The following NAV2 variants were observed in gnomAD, a reference collection of about 807,000 sequenced individuals.
The protein encoded by NAV2 is helicase, APC down-regulated 1.
NAV2 carries 54 observed loss-of-function variants against 223.2 expected under a neutral mutation model. That is an observed-to-expected ratio of 0.24 (90% CI 0.19 to 0.30). NAV2 has a LOEUF of 0.30. Ranked by LOEUF, NAV2 falls within the 10% of genes least tolerant of loss-of-function variation. The probability of loss-of-function intolerance (pLI) is 1.00; values close to 1 mark genes in which losing one functional copy is unlikely to be tolerated. For missense variants in NAV2, 2,806 were observed against 3,147.5 expected, an observed-to-expected ratio of 0.89 and a Z score of 2.60; for synonymous variants, 1,279 against 1,239.3, an observed-to-expected ratio of 1.03 and a Z score of -0.67.
chr11:19,686,539 A>G (rs2049030435), intron 1 of NAV2, among the ~76,000 whole-genome samples: 1 of 152,184 alleles, frequency 6.6e-6, no homozygotes. Context: ...TATCAGATGA[A>G]TGACACTGCA....
intron 1 of NAV2, among the ~76,000 whole-genome samples, chr11:19,602,280 C>CT (rs76828723): frequency 6.7e-6 from 1 of 150,156 alleles, no homozygotes; most frequent in East Asian, 2.0e-4. Context: ...CGAGTTCAGG[C>CT]TATTTTCCTG....
At chr11:19,438,531 A>T (rs1238225178) in intron 1 of NAV2, among the ~76,000 whole-genome samples, 3 of 152,124 alleles carry the variant, frequency 2.0e-5, no homozygotes, top group Non-Finnish European at 2.9e-5. Context: ...CCAACAACCA[A>T]TTTTCATACT....
chr11:19,866,297 AGT>A (rs1383914509), intron 3 of NAV2, among the ~76,000 whole-genome samples: 1 of 152,246 alleles, frequency 6.6e-6, no homozygotes, highest in African/African-American at 2.4e-5. Flanking sequence ...AGATGCGAGT[AGT>A]ACCCTGCTCC....
At chr11:19,500,420 T>A (rs2042928847) in intron 1 of NAV2, among the ~76,000 whole-genome samples, 1 of 152,216 alleles carries the variant, frequency 6.6e-6, no homozygotes, top group Non-Finnish European at 1.5e-5. Context: ...TACATACTGT[T>A]AGTGTGGCAA....
chr11:19,827,846 T>C (rs1318570079), intron 1 of NAV2, among the ~76,000 whole-genome samples: 1 of 152,220 alleles, frequency 6.6e-6, no homozygotes, highest in Non-Finnish European at 1.5e-5. Context: ...TGCACCGGCC[T>C]GTAATCTGGG....
At chr11:19,830,462 T>G (rs758799846) in intron 1 of NAV2, among the ~76,000 whole-genome samples, 1 of 152,222 alleles carries the variant, frequency 6.6e-6, no homozygotes, top group Non-Finnish European at 1.5e-5. Context: ...TTTACCTTTC[T>G]GCTCTTCAGT....
chr11:19,543,161 C>A (rs559870567), intron 1 of NAV2, among the ~76,000 whole-genome samples: 3 of 152,254 alleles, frequency 2.0e-5, no homozygotes, highest in East Asian at 3.9e-4. Context: ...GGTTCAAATC[C>A]CTGCTCTGCC....
chr11:19,864,819 A>C (rs1046615372), intron 3 of NAV2, among the ~76,000 whole-genome samples: 2 of 152,198 alleles, frequency 1.3e-5, no homozygotes, highest in Non-Finnish European at 2.9e-5. Flanking sequence ...GGGGAGGTGC[A>C]TCCTGGTCTG....
At chr11:19,851,045 G>A (rs1238889903) in intron 3 of NAV2, among the ~76,000 whole-genome samples, 1 of 152,156 alleles carries the variant, frequency 6.6e-6, no homozygotes, top group Non-Finnish European at 1.5e-5. Context: ...ACAAGGTATA[G>A]CAAACACTTA....
chr11:19,819,678 A>G (rs113843069), intron 1 of NAV2, among the ~76,000 whole-genome samples: 8 of 152,206 alleles, frequency 5.3e-5, no homozygotes, highest in African/African-American at 1.7e-4. Flanking sequence ...AATGAAAGGA[A>G]ACTAACAGTA....
In NAV2 at chr11:19,946,554, A is replaced by C. The variant is rs6483621; in HGVS notation, c.2255+45A>C. The C allele has an allele frequency of 1.4e-3, 2,194 of 1,521,494 alleles. 17 individuals are homozygous for C. Among genetic ancestry groups the C allele is most frequent in the African/African-American group, 0.014 (995 of 72,808 alleles). The allele number at this position is 1,521,494 out of a possible 1,614,324, so 94.2% of individuals were successfully genotyped here. A position where few individuals can be genotyped will look rare whatever the true frequency, so the allele number is the denominator to read the frequency against. ...CTTTACTGAACTACCTGGTATCCTA[A>C]TTTTCTCCTGTGTTTGTTCATAGCA... On this transcript the variant is annotated intron_variant, in intron 9 of 37. Coordinates refer to ENST00000349880, the MANE Select transcript of NAV2 (RefSeq NM_145117.5).
At chr11:19,882,974 A>T (rs543948554) in intron 5 of NAV2, among the ~76,000 whole-genome samples, 1 of 152,254 alleles carries the variant, frequency 6.6e-6, no homozygotes, top group South Asian at 2.1e-4. Flanking sequence ...CCATGCTAAC[A>T]CTCTGGCTAT....
chr11:19,941,537 A>G (rs140500029), intron 8 of NAV2, among the ~76,000 whole-genome samples: 89 of 152,168 alleles, frequency 5.8e-4, no homozygotes, highest in African/African-American at 1.9e-3. Context: ...ATGGACATTT[A>G]CATAACTATT....
intron 2 of NAV2, among the ~76,000 whole-genome samples, chr11:19,839,034 A>G (rs540568877): frequency 6.6e-6 from 1 of 152,230 alleles, no homozygotes; most frequent in Admixed American, 6.5e-5. Context: ...ATCATCTTCT[A>G]TAAGGCAGAA....
intron 1 of NAV2, among the ~76,000 whole-genome samples, chr11:19,432,289 C>T (rs985734560): frequency 6.6e-6 from 1 of 151,730 alleles, no homozygotes; most frequent in African/African-American, 2.4e-5. Flanking sequence ...TTGCCACTTT[C>T]CTCTCCTGTG....
intron 2 of NAV2, among the ~76,000 whole-genome samples, chr11:19,833,120 A>G (rs926259362): frequency 1.1e-4 from 16 of 152,256 alleles, no homozygotes; most frequent in African/African-American, 3.4e-4. Context: ...TGCCTTGACC[A>G]TGTGCTGGGA....
At chr11:19,553,969 C>CA (rs2044778269) in intron 1 of NAV2, among the ~76,000 whole-genome samples, 1 of 152,182 alleles carries the variant, frequency 6.6e-6, no homozygotes, top group South Asian at 2.1e-4. Context: ...GCTTCACGCC[C>CA]AGTAGAAAAA....
chr11:19,351,832 A>G (rs1467997993), intron 1 of NAV2, among the ~76,000 whole-genome samples: 1 of 105,344 alleles, frequency 9.5e-6, no homozygotes, highest in Non-Finnish European at 1.9e-5. Context: ...AAAAAAAAAA[A>G]GACTTCTGAT....
At chr11:19,481,693 T>C (rs953046655) in intron 1 of NAV2, among the ~76,000 whole-genome samples, 2 of 152,256 alleles carry the variant, frequency 1.3e-5, no homozygotes, top group Admixed American at 6.5e-5. Context: ...AGTCTGTATG[T>C]AGAGGCTGCT....
Sources: allele counts gnomAD v4.1 joint callset (sites outside exome capture counted in the v4.1 genomes callset), GRCh38; gene constraint gnomAD v4.1.1; transcripts MANE v1.5; gene names NCBI Gene and HGNC (gene_info 2026-07-23, HGNC 2026-07-21).